The following CYFIP1 variants were observed in gnomAD, a reference collection of about 807,000 sequenced individuals.
CYFIP1 encodes cytoplasmic FMR1 interacting protein 1, also known as cytoplasmic FMR1-interacting protein 1.
CYFIP1 carries 58 observed loss-of-function variants against 163.5 expected under a neutral mutation model. That is an observed-to-expected ratio of 0.35 (90% CI 0.29 to 0.44). The LOEUF (loss-of-function observed/expected upper bound fraction) is 0.44. Ranked by LOEUF, CYFIP1 falls within the 20% of genes least tolerant of loss-of-function variation. The pLI is 1.00. For synonymous variants in CYFIP1, 663 were observed against 660.7 expected, an observed-to-expected ratio of 1.00 and a Z score of -0.05; for missense variants, 1,338 against 1,653.8, an observed-to-expected ratio of 0.81 and a Z score of 3.31.
chr15:22,947,856 A>G (rs919487904), intron 1 of CYFIP1: 5 of 800,932 alleles, frequency 6.2e-6, no homozygotes, highest in Non-Finnish European at 7.6e-6. Flanking sequence ...AGAAAGTGCC[A>G]CACCGCAGCT....
At position 22,937,105 on chromosome 15, in the gene CYFIP1, T is replaced by C. The variant is rs780705862; in HGVS notation, c.899A>G (p.Lys300Arg). The change falls in exon 9 of 31, where the codon AAG (lysine) becomes AGG (arginine). Residue 300 changes from lysine (K) to arginine (R), a missense_variant and splice_region_variant. By Grantham distance (26) the Lys-to-Arg change is conservative (BLOSUM62 2). Around this residue, in one of 4 missense-constraint regions of CYFIP1, gnomAD observed 824 missense variants for 995.7 expected, o/e 0.83. Coordinates refer to ENST00000617928, the MANE Select transcript of CYFIP1 (RefSeq NM_014608.6). Reference sequence around the variant, plus strand: ...TTGATCTAAAAACATGTAACTCACCTTGAAGTACTTGTCGATTTTGGATAA... The same window carrying C: ...TTGATCTAAAAACATGTAACTCACCCTGAAGTACTTGTCGATTTTGGATAA... ...INLSKIDKYFKQLQVVPLFGD... is the reference protein window; with the variant it reads ...INLSKIDKYFRQLQVVPLFGD... 3.8e-5 allele frequency: 60 copies of C among 1,589,464 alleles called. 1 individual carries two copies. The South Asian group carries it at 5.2e-4, about 14-fold the overall frequency.
At chr15:22,873,375 G>A in intron 29 of CYFIP1, 116 bp downstream of exon 29, 1 of 840,884 alleles carries the variant, frequency 1.2e-6, no homozygotes. Flanking sequence ...GCCGCTCAGT[G>A]AGTTTCTGGT....
chr15:22,887,489 A>G (rs189687177), intron 23 of CYFIP1, among the ~76,000 whole-genome samples: 1 of 152,328 alleles, frequency 6.6e-6, no homozygotes, highest in East Asian at 1.9e-4. Context: ...AAGAACACGA[A>G]AGTCATCAGT....
At chr15:22,936,926 G>A (rs1453256510) in intron 9 of CYFIP1, among the ~76,000 whole-genome samples, 178 bp downstream of exon 9, 2 of 152,108 alleles carry the variant, frequency 1.3e-5, no homozygotes, top group African/African-American at 2.4e-5. Flanking sequence ...AACCAGCACA[G>A]GGCAAAAGGA....
At chr15:22,933,680 ATTTAATTCCAGGC>A (rs1321369936) in intron 10 of CYFIP1, 109 bp downstream of exon 10, 30 of 714,072 alleles carry the variant, frequency 4.2e-5, no homozygotes, top group South Asian at 2.1e-4. Flanking sequence ...AATACTGGAC[ATTTAATTCCAGGC>A]TGAGAATGTT....
chr15:22,889,668 C>G (rs2060018457), intron 23 of CYFIP1, among the ~76,000 whole-genome samples: 1 of 152,182 alleles, frequency 6.6e-6, no homozygotes, highest in African/African-American at 2.4e-5. Flanking sequence ...CAGCCATCCT[C>G]TCCAGATGGG....
At chr15:22,973,284 A>T (rs1023040656) in intron 1 of CYFIP1, among the ~76,000 whole-genome samples, 3 of 136,696 alleles carry the variant, frequency 2.2e-5, no homozygotes, top group Non-Finnish European at 4.5e-5. Flanking sequence ...ACTGCATTCC[A>T]GCCTGGGTGA....
chr15:22,973,897 A>C (rs1405271174), intron 1 of CYFIP1, among the ~76,000 whole-genome samples: 1 of 152,214 alleles, frequency 6.6e-6, no homozygotes, highest in Non-Finnish European at 1.5e-5. Flanking sequence ...AAGAAGGTGT[A>C]CAAGTGGCCA....
chr15:22,944,804 G>C, intron 4 of CYFIP1, 58 bp downstream of exon 4: 2 of 1,571,792 alleles, frequency 1.3e-6, no homozygotes, highest in South Asian at 1.1e-5. Flanking sequence ...CAGGGGTGTG[G>C]TGTGGCAGGG....
chr15:22,973,577 G>A (rs1378947352), intron 1 of CYFIP1, among the ~76,000 whole-genome samples: 1 of 152,102 alleles, frequency 6.6e-6, no homozygotes, highest in Admixed American at 6.5e-5. Flanking sequence ...ATTCTGCTCT[G>A]TTCTTCTGTG....
At chr15:22,887,830 G>T (rs2059968285) in intron 23 of CYFIP1, among the ~76,000 whole-genome samples, 1 of 152,172 alleles carries the variant, frequency 6.6e-6, no homozygotes, top group Admixed American at 6.5e-5. Context: ...TGGATGTCCA[G>T]TCACACAGCT....
At position 22,867,399 on chromosome 15, in the gene CYFIP1, G is replaced by C. The variant is rs543961693; in HGVS notation, c.*2629C>G. On this transcript the variant is annotated 3_prime_UTR_variant, in exon 31 of 31. Transcript: ENST00000617928. ...CCTCTTTCTTACAAAACAAAAAAAAGGGCAGAAATCACCCCAAGGAACGAT... is the reference window on the plus strand; with the variant it reads ...CCTCTTTCTTACAAAACAAAAAAAACGGCAGAAATCACCCCAAGGAACGAT... The C allele has an allele frequency of 1.3e-5, 5 of 383,968 alleles. No homozygotes were observed. The highest frequency in any genetic ancestry group is 1.8e-5 in the Non-Finnish European group (4 of 217,934). The allele number at this position is 383,968 out of a possible 1,614,324, so 23.8% of individuals were successfully genotyped here. A position where few individuals can be genotyped will look rare whatever the true frequency, so the allele number is the denominator to read the frequency against.
chr15:22,925,861 G>C (rs2061340023), intron 13 of CYFIP1, 121 bp downstream of exon 13: 1 of 1,410,902 alleles, frequency 7.1e-7, no homozygotes, highest in African/African-American at 1.4e-5. Flanking sequence ...CAGATGGAAA[G>C]GGGTGCCCAC....
At chr15:22,903,667 C>T (rs201742829) in intron 22 of CYFIP1, 39 bp downstream of exon 22, 133 of 1,607,322 alleles carry the variant, frequency 8.3e-5, no homozygotes, top group South Asian at 7.6e-4. Flanking sequence ...GGTCCCTGAG[C>T]GCCTCGCCTG....
rs142397577 is a variant in CYFIP1 at position 22,872,869 on chromosome 15, T to C, written c.3553A>G (p.Lys1185Glu). 146 of 1,614,108 alleles carry C rather than the reference T, an allele frequency of 9.0e-5. No individual in the cohort carries two copies. In the African/African-American group the frequency reaches 1.6e-3, roughly 18 times the overall value. Reference protein sequence around the residue: ...AVLDFCYHLLKVQKHDGKDEI... With the variant: ...AVLDFCYHLLEVQKHDGKDEI... ...TCTTTGCCATCATGTTTCTGGACTT[T>C]AAGTAGATGGTAGCAGAAATCCAGC... The change falls in exon 30 of 31, where the codon AAA (lysine) becomes GAA (glutamate). Residue 1185 changes from lysine (K) to glutamate (E), a missense_variant. Lys to Glu is a moderately conservative substitution (Grantham distance 56, BLOSUM62 1). This residue lies in a region of CYFIP1 where 306 missense variants were observed against 322.1 expected (regional missense o/e 0.95). Transcript: ENST00000617928.
chr15:22,915,126 G>C (rs1457453995), intron 16 of CYFIP1: 3 of 362,662 alleles, frequency 8.3e-6, no homozygotes, highest in Non-Finnish European at 1.4e-5. Flanking sequence ...CAGGGGGAAA[G>C]TGTCTTTTTT....
intron 1 of CYFIP1, among the ~76,000 whole-genome samples, chr15:22,970,919 A>G (rs1001986713): frequency 9.9e-5 from 15 of 152,226 alleles, no homozygotes; most frequent in African/African-American, 3.4e-4. Context: ...TACTAAAAAT[A>G]CAAAAAATTA....
intron 15 of CYFIP1, 101 bp from the exon 16 acceptor site, chr15:22,916,731 C>A (rs752957257): frequency 6.2e-7 from 1 of 1,613,468 alleles, no homozygotes; most frequent in South Asian, 1.1e-5. Context: ...CTCCGCTACG[C>A]CCTGGTCGGG....
intron 1 of CYFIP1, among the ~76,000 whole-genome samples, chr15:22,949,620 T>C (rs922266987): frequency 7.9e-5 from 12 of 152,102 alleles, no homozygotes; most frequent in Non-Finnish European, 1.8e-4. Flanking sequence ...TGTACATAAA[T>C]GTAAATTACA....
Sources: gnomAD v4.1 joint callset for allele counts (sites outside exome capture counted in the v4.1 genomes callset) on GRCh38, gnomAD v4.1.1 for gene constraint, gnomAD v4.1.1 regional missense constraint, MANE v1.5 for transcripts, NCBI Gene and HGNC (gene_info 2026-07-23, HGNC 2026-07-21) for gene names.